The following STPG1 variants were observed in gnomAD, a reference collection of about 807,000 sequenced individuals.
The protein encoded by STPG1 is sperm tail PG-rich repeat containing 1.
Under a neutral mutation model 40.1 loss-of-function variants are expected in STPG1, and 33 were observed. The ratio of observed to expected loss-of-function variants is 0.82; its 90% confidence interval spans 0.62 to 1.10. The LOEUF is 1.10. STPG1 is among the 50% of genes least tolerant of loss of function. STPG1 has a pLI of 0.00. For missense variants in STPG1, 396 were observed against 415.1 expected (o/e 0.95, Z 0.40); for synonymous variants, 150 against 155.0 (o/e 0.97, Z 0.24).
chr1:24,408,136 T>C lies in STPG1; in HGVS notation c.-69+5538A>G, dbSNP rs186644926. ...CACTTTTCAGTAACTTGTAGATCCATCTGACCCTTTCAAGCTTTTAAACTT... is the reference window on the plus strand; with the variant it reads ...CACTTTTCAGTAACTTGTAGATCCACCTGACCCTTTCAAGCTTTTAAACTT... On this transcript the variant is annotated intron_variant, in intron 1 of 8. Coordinates refer to ENST00000337248, the MANE Select transcript of STPG1 (RefSeq NM_001199013.2). Among the ~76,000 whole-genome samples, 357 of 152,378 alleles carry C rather than the reference T, an allele frequency of 2.3e-3. 8 individuals carry two copies. In the South Asian group the frequency reaches 0.039, roughly 17 times the overall value.
At chr1:24,412,816 G>A (rs1643764320) in intron 1 of STPG1, among the ~76,000 whole-genome samples, 2 of 152,188 alleles carry the variant, frequency 1.3e-5, no homozygotes, top group African/African-American at 4.8e-5. Flanking sequence ...GTGTACAGCT[G>A]TGCTCAGAAT....
At chr1:24,375,445 G>A (rs1191889674) in intron 5 of STPG1, among the ~76,000 whole-genome samples, 2 of 152,204 alleles carry the variant, frequency 1.3e-5, no homozygotes, top group African/African-American at 4.8e-5. Context: ...CAAAGGTGGA[G>A]GAATTTAGCT....
chr1:24,364,222 C>T (rs1023025621), intron 7 of STPG1: 2 of 1,544,246 alleles, frequency 1.3e-6, no homozygotes, highest in African/African-American at 2.7e-5. Context: ...GTCTCGCCAC[C>T]CCCCACCTGA....
rs149965849 is a variant in STPG1, at chr1:24,357,511, G to A, written c.*1032C>T. ...ATTTGTGGGTGGGCCCCAGGCCTCA[G>A]TACTTTTTAAAGTCCCCAGGTGATT... On this transcript the variant is annotated 3_prime_UTR_variant, in exon 9 of 9. Transcript: ENST00000337248. 6.8e-3 allele frequency: 1,037 copies of A among 153,104 alleles called. 7 individuals carry two copies. Among genetic ancestry groups the A allele is most frequent in the Non-Finnish European group, 0.011 (730 of 68,590 alleles). The allele number at this position is 153,104 out of a possible 1,614,324, so 9.5% of individuals were successfully genotyped here.
chr1:24,391,270 TTTA>T, intron 3 of STPG1: 1 of 208,074 alleles, frequency 4.8e-6, no homozygotes, highest in Non-Finnish European at 9.5e-6. Context: ...ATTTTTTAGC[TTTA>T]TGATGATTTT....
At chr1:24,379,591 C>T (rs559366249) in intron 5 of STPG1, 62 bp downstream of exon 5, 393 of 1,564,828 alleles carry the variant, frequency 2.5e-4, no homozygotes, top group Non-Finnish European at 3.1e-4. Flanking sequence ...ATCCCCTCTT[C>T]CTTTTATTTT....
chr1:24,385,048 G>A (rs530599526), intron 3 of STPG1, among the ~76,000 whole-genome samples: 11 of 152,220 alleles, frequency 7.2e-5, no homozygotes, highest in African/African-American at 1.9e-4. Flanking sequence ...GAGCTGAACC[G>A]AGACAGCCCG....
intron 1 of STPG1, among the ~76,000 whole-genome samples, chr1:24,409,402 G>A (rs779947365): frequency 2.0e-5 from 3 of 152,090 alleles, no homozygotes; most frequent in Admixed American, 6.5e-5. Context: ...CCACCCCTCA[G>A]TGTTATACCA....
chr1:24,370,051 G>A lies in STPG1; in HGVS notation c.572-212C>T, dbSNP rs186643707. Among the ~76,000 whole-genome samples the A allele has an allele frequency of 2.5e-4, 38 of 152,222 alleles. 1 individual carries two copies. Among genetic ancestry groups the A allele is most frequent in the Admixed American group, 2.5e-3 (38 of 15,282 alleles). ...CACACACTTAGCTGATTTAGTTCTC[G>A]CACTAGCCTGGCAAGATGAGTATTA... On this transcript the variant is annotated intron_variant, in intron 6 of 8. Transcript: ENST00000337248.
intron 6 of STPG1, among the ~76,000 whole-genome samples, chr1:24,371,549 C>T (rs1314092732): frequency 6.6e-6 from 1 of 150,892 alleles, no homozygotes; most frequent in East Asian, 1.9e-4. Context: ...CGAGATTGCA[C>T]CGTTGCTCTC....
chr1:24,384,127 G>A (rs1045288167), intron 3 of STPG1, 124 bp from the exon 4 acceptor site: 2 of 620,912 alleles, frequency 3.2e-6, no homozygotes, highest in East Asian at 2.8e-5. Context: ...ACCACCACTT[G>A]GTGGGTGACA....
intron 7 of STPG1, among the ~76,000 whole-genome samples, chr1:24,365,410 T>C (rs1225213745): frequency 6.6e-6 from 1 of 152,196 alleles, no homozygotes; most frequent in African/African-American, 2.4e-5. Context: ...TCACCCTAAG[T>C]GATTGAGTCA....
chr1:24,362,850 G>A (rs1557430117), intron 7 of STPG1, among the ~76,000 whole-genome samples: 2 of 152,150 alleles, frequency 1.3e-5, no homozygotes, highest in African/African-American at 2.4e-5. Flanking sequence ...GTACCCACAG[G>A]GAAAGGGGGG....
At chr1:24,370,398 T>C (rs1570000369) in intron 6 of STPG1, among the ~76,000 whole-genome samples, 1 of 151,182 alleles carries the variant, frequency 6.6e-6, no homozygotes, top group Non-Finnish European at 1.5e-5. Flanking sequence ...CACAGCTCAC[T>C]GTAGCCTTGA....
At chr1:24,389,521 C>G (rs920263151) in intron 3 of STPG1, among the ~76,000 whole-genome samples, 17 of 152,136 alleles carry the variant, frequency 1.1e-4, no homozygotes, top group African/African-American at 3.9e-4. Flanking sequence ...CCAAACCCTG[C>G]ATTGTGTGAC....
intron 1 of STPG1, among the ~76,000 whole-genome samples, chr1:24,406,886 C>T (rs557926416): frequency 2.4e-4 from 37 of 152,228 alleles, no homozygotes; most frequent in Admixed American, 9.8e-4. Context: ...TAAAAATTTG[C>T]CATCTCAACC....
At chr1:24,387,543 C>G (rs902638335) in intron 3 of STPG1, among the ~76,000 whole-genome samples, 1 of 152,162 alleles carries the variant, frequency 6.6e-6, no homozygotes, top group East Asian at 1.9e-4. Flanking sequence ...GAGCTGCTAC[C>G]TGGGTTCATC....
intron 3 of STPG1, among the ~76,000 whole-genome samples, chr1:24,388,941 C>G (rs1642631103): frequency 6.6e-6 from 1 of 152,198 alleles, no homozygotes; most frequent in South Asian, 2.1e-4. Context: ...GGTTTAAAGG[C>G]ACACAGCCAG....
chr1:24,386,636 G>A (rs770022789), intron 3 of STPG1, among the ~76,000 whole-genome samples: 6 of 152,220 alleles, frequency 3.9e-5, no homozygotes, highest in East Asian at 1.9e-4. Context: ...AATGTCAAGC[G>A]TTCTCCTGTG....
Sources: gnomAD v4.1 joint callset for allele counts (sites outside exome capture counted in the v4.1 genomes callset) on GRCh38, gnomAD v4.1.1 for gene constraint, MANE v1.5 for transcripts, NCBI Gene and HGNC (gene_info 2026-07-23, HGNC 2026-07-21) for gene names.